METAP1: variants seen among roughly 807,000 people sequenced by gnomAD.
METAP1 encodes methionine aminopeptidase 1.
METAP1 carries 28 observed loss-of-function variants against 53.8 expected under a neutral mutation model. The observed-to-expected ratio is 0.52, with a 90% CI of 0.39 to 0.71. The LOEUF is 0.71. METAP1 is among the 30% of genes least tolerant of loss of function. The pLI, the probability that METAP1 is intolerant of heterozygous loss-of-function variation, is 0.00. For synonymous variants in METAP1, 181 were observed against 165.7 expected, an observed-to-expected ratio of 1.09 and a Z score of -0.71; for missense variants, 389 against 479.8, an observed-to-expected ratio of 0.81 and a Z score of 1.77.
chr4:99,017,235 C>G (rs997854118), intron 1 of METAP1, among the ~76,000 whole-genome samples: 13 of 152,216 alleles, frequency 8.5e-5, no homozygotes, highest in African/African-American at 2.9e-4. Flanking sequence ...GGCTGTTCAT[C>G]AGGCCTCTGT....
chr4:99,030,524 T>A (rs1388769914), intron 2 of METAP1, among the ~76,000 whole-genome samples: 1 of 152,168 alleles, frequency 6.6e-6, no homozygotes, highest in Non-Finnish European at 1.5e-5. Context: ...AGATCATCCT[T>A]AGGTGGCCAG....
intron 2 of METAP1, among the ~76,000 whole-genome samples, chr4:99,031,853 A>G (rs1268529373): frequency 2.6e-5 from 4 of 152,250 alleles, no homozygotes; most frequent in Non-Finnish European, 4.4e-5. Flanking sequence ...CCTTGCATGT[A>G]TCACGTACTT....
chr4:98,996,357 A>G (rs754472051), intron 1 of METAP1, among the ~76,000 whole-genome samples: 1 of 152,170 alleles, frequency 6.6e-6, no homozygotes. Context: ...GGCTGAAGCT[A>G]CCTGCCGGGC....
intron 1 of METAP1, chr4:99,023,042 C>T: frequency 1.4e-6 from 2 of 1,392,968 alleles, no homozygotes; most frequent in Non-Finnish European, 9.7e-7. Context: ...GCTTTGGATT[C>T]CTCCTGCTCC....
chr4:98,998,446 C>G (rs1339190900), intron 1 of METAP1, among the ~76,000 whole-genome samples: 1 of 152,200 alleles, frequency 6.6e-6, no homozygotes, highest in Non-Finnish European at 1.5e-5. Context: ...TCACTTGAAC[C>G]TGGGTGGTGG....
intron 1 of METAP1, chr4:99,023,728 A>C (rs1001325399): frequency 4.1e-6 from 4 of 985,328 alleles, no homozygotes; most frequent in Non-Finnish European, 4.8e-6. Context: ...TAGTTTGGCA[A>C]GTCAGTGGGG....
intron 10 of METAP1, among the ~76,000 whole-genome samples, chr4:99,058,481 C>T (rs1727308315): frequency 6.6e-6 from 1 of 152,150 alleles, no homozygotes; most frequent in Non-Finnish European, 1.5e-5. Flanking sequence ...CTCTTCCAGA[C>T]AGGCTTGTAG....
At chr4:99,035,207 C>A (rs1437128974) in intron 3 of METAP1, among the ~76,000 whole-genome samples, 193 bp from the exon 4 acceptor site, 1 of 152,156 alleles carries the variant, frequency 6.6e-6, no homozygotes, top group African/African-American at 2.4e-5. Context: ...CCACTTTCCC[C>A]CTTTCTAAAT....
At chr4:99,046,763 T>C (rs548430582) in intron 8 of METAP1, among the ~76,000 whole-genome samples, 2 of 152,232 alleles carry the variant, frequency 1.3e-5, no homozygotes, top group African/African-American at 4.8e-5. Context: ...TGAAAACTTA[T>C]TACTCATTGT....
At chr4:99,052,822 G>C (rs894006546) in intron 9 of METAP1, among the ~76,000 whole-genome samples, 5 of 152,162 alleles carry the variant, frequency 3.3e-5, no homozygotes, top group African/African-American at 4.8e-5. Flanking sequence ...TTGTTTGATA[G>C]CATTTTATCC....
intron 9 of METAP1, among the ~76,000 whole-genome samples, chr4:99,057,374 C>T (rs1278091026): frequency 3.9e-5 from 6 of 152,160 alleles, no homozygotes; most frequent in East Asian, 1.9e-4. Flanking sequence ...CTTCTCTACC[C>T]GGATGAGTAG....
chr4:99,058,965 T>C (rs1727342521), intron 10 of METAP1, among the ~76,000 whole-genome samples: 1 of 152,240 alleles, frequency 6.6e-6, no homozygotes, highest in Non-Finnish European at 1.5e-5. Context: ...GTCATCCTCT[T>C]ATAATAAGGA....
chr4:99,051,529 C>A (rs931911050), intron 9 of METAP1, among the ~76,000 whole-genome samples: 14 of 150,710 alleles, frequency 9.3e-5, no homozygotes, highest in African/African-American at 3.2e-4. Context: ...GTAGCTGGTA[C>A]TTCAGGTGTG....
chr4:99,022,324 A>G, intron 1 of METAP1: 1 of 833,124 alleles, frequency 1.2e-6, no homozygotes. Context: ...GGAGTCCCTG[A>G]CCAGGGAAGA....
intron 2 of METAP1, among the ~76,000 whole-genome samples, chr4:99,032,728 C>G (rs965393915): frequency 6.6e-6 from 1 of 152,154 alleles, no homozygotes; most frequent in Admixed American, 6.6e-5. Flanking sequence ...CAGACAAAAT[C>G]ACTTGATGCA....
intron 1 of METAP1, among the ~76,000 whole-genome samples, chr4:99,002,138 A>T (rs1429689659): frequency 6.6e-6 from 1 of 152,170 alleles, no homozygotes; most frequent in South Asian, 2.1e-4. Context: ...GCAAAATTTT[A>T]GTTAAGTTTT....
intron 7 of METAP1, 79 bp from the exon 8 acceptor site, chr4:99,045,100 G>T (rs1726126022): frequency 2.8e-6 from 4 of 1,409,618 alleles, no homozygotes; most frequent in Non-Finnish European, 2.9e-6. Flanking sequence ...TAAGTTGCTA[G>T]ATGCTGTCAT....
At chr4:99,059,895 G>GGT (rs2110438728) in intron 10 of METAP1, among the ~76,000 whole-genome samples, 1 of 151,882 alleles carries the variant, frequency 6.6e-6, no homozygotes, top group East Asian at 1.9e-4. Context: ...TGATTCCAGG[G>GGT]GTATAGTTCA....
intron 2 of METAP1, among the ~76,000 whole-genome samples, chr4:99,030,222 C>G (rs1724906325): frequency 6.6e-6 from 1 of 152,130 alleles, no homozygotes; most frequent in African/African-American, 2.4e-5. Flanking sequence ...AAATCGGCCT[C>G]TCCCTCAGAT....
Sources: gnomAD v4.1 joint callset for allele counts (sites outside exome capture counted in the v4.1 genomes callset) on GRCh38, gnomAD v4.1.1 for gene constraint, MANE v1.5 for transcripts, NCBI Gene and HGNC (gene_info 2026-07-23, HGNC 2026-07-21) for gene names.